The following SORT1 variants were observed in gnomAD, a reference collection of about 807,000 sequenced individuals.
The protein encoded by SORT1 is sortilin.
Under a neutral mutation model 101.7 loss-of-function variants are expected in SORT1, and 39 were observed. The observed-to-expected ratio is 0.38, with a 90% CI of 0.30 to 0.50. SORT1 has a LOEUF of 0.50. Among genes scored for constraint, SORT1 ranks in the 20% least tolerant of loss-of-function variants. SORT1 has a pLI of 0.90. For synonymous variants in SORT1, 396 were observed against 393.7 expected (o/e 1.01, Z -0.07); for missense variants, 878 against 1,040.4 (o/e 0.84, Z 2.15).
chr1:109,393,554 T>C (rs1247615122), intron 1 of SORT1, among the ~76,000 whole-genome samples: 3 of 152,210 alleles, frequency 2.0e-5, no homozygotes, highest in Non-Finnish European at 4.4e-5. Flanking sequence ...TAAAGTCTTC[T>C]AGGCCTGCTC....
chr1:109,317,788 A>C, intron 16 of SORT1, 65 bp downstream of exon 16: 1 of 1,074,832 alleles, frequency 9.3e-7, no homozygotes, highest in Admixed American at 1.8e-5. Flanking sequence ...GTGTGGAGAG[A>C]AGCAGCTTTC....
At chr1:109,334,057 A>T (rs187689197) in intron 11 of SORT1, among the ~76,000 whole-genome samples, 3 of 152,270 alleles carry the variant, frequency 2.0e-5, no homozygotes, top group African/African-American at 7.2e-5. Context: ...GAGGCAGGAG[A>T]ATCACCTGAA....
chr1:109,330,021 A>G (rs543629535), intron 11 of SORT1, among the ~76,000 whole-genome samples: 1 of 151,862 alleles, frequency 6.6e-6, no homozygotes, highest in South Asian at 2.1e-4. Context: ...TTTTTTTTTG[A>G]GACGGAGTCT....
intron 13 of SORT1, 95 bp downstream of exon 13, chr1:109,326,897 G>T: frequency 1.0e-6 from 1 of 957,362 alleles, no homozygotes; most frequent in South Asian, 2.6e-5. Flanking sequence ...GCAAAAATTT[G>T]AATTATAGTC....
chr1:109,310,963 A>C lies in SORT1; in HGVS notation c.*3080T>G, dbSNP rs931472816. ...ATGGAGAGGCCCAGAGGCAAGCATCAGAGCAAGAGAGAGGAGGTGGGAAGT... is the reference window on the plus strand; with the variant it reads ...ATGGAGAGGCCCAGAGGCAAGCATCCGAGCAAGAGAGAGGAGGTGGGAAGT... On this transcript the variant is annotated 3_prime_UTR_variant, in exon 20 of 20. Coordinates refer to ENST00000256637, the MANE Select transcript of SORT1 (RefSeq NM_002959.7). The C allele has an allele frequency of 6.6e-6, 1 of 152,232 alleles. No homozygotes were observed. Among genetic ancestry groups the C allele is most frequent in the Non-Finnish European group, 1.5e-5 (1 of 68,070 alleles). The allele number at this position is 152,232 out of a possible 1,614,324, so 9.4% of individuals were successfully genotyped here.
Position 109,312,509 on chromosome 1 carries a change from C to T in SORT1, c.*1534G>A, listed in dbSNP as rs1241584958. ...TCTGACTAAAGTTAATTTGGCACTTCAAATAAAAAAAAAAAAAAACACACA... is the reference window on the plus strand; with the variant it reads ...TCTGACTAAAGTTAATTTGGCACTTTAAATAAAAAAAAAAAAAAACACACA... On this transcript the variant is annotated 3_prime_UTR_variant, in exon 20 of 20. Transcript: ENST00000256637. 2.7e-5 allele frequency: 1 copy of T among 37,728 alleles called. No homozygotes were observed. The highest frequency in any genetic ancestry group is 7.1e-5 in the Non-Finnish European group (1 of 14,044). 2.3% of individuals were successfully genotyped at this position (37,728 alleles called of 1,614,324 possible).
In SORT1 at chr1:109,397,671, A is replaced by C. The variant is rs1287273763; in HGVS notation, c.222T>G (p.Arg74=). 8.3e-7 allele frequency: 1 copy of C among 1,205,282 alleles called. No homozygotes were observed. Among genetic ancestry groups the C allele is most frequent in the Non-Finnish European group, 1.0e-6 (1 of 969,274 alleles). The allele number at this position is 1,205,282 out of a possible 1,614,324, so 74.7% of individuals were successfully genotyped here. The change falls in exon 1 of 20, where the codon CGT becomes CGG. Residue 74 remains arginine (R), a synonymous_variant. Transcript: ENST00000256637. ...AAGGAFPRGG[R]WRRSAPGEDE... Reference sequence around the variant, plus strand: ...CCTCGCCCGGCGCGCTGCGACGCCAACGGCCGCCGCGGGGAAACGCGCCCC... The same window carrying C: ...CCTCGCCCGGCGCGCTGCGACGCCACCGGCCGCCGCGGGGAAACGCGCCCC...
intron 1 of SORT1, chr1:109,392,976 T>C (rs1458831044): frequency 1.5e-5 from 15 of 985,234 alleles, no homozygotes; most frequent in East Asian, 2.3e-4. Context: ...AGAGGCCAAG[T>C]ATTGGAAGAA....
intron 1 of SORT1, chr1:109,393,339 C>T (rs1653021923): frequency 1.0e-6 from 1 of 983,236 alleles, no homozygotes; most frequent in Non-Finnish European, 1.2e-6. Flanking sequence ...GAGTTCCTGG[C>T]TTTATTCATC....
rs1426532392 is a variant in SORT1, at chr1:109,387,143, T to C, written c.306+10444A>G. On this transcript the variant is annotated intron_variant, in intron 1 of 19. Coordinates refer to ENST00000256637, the MANE Select transcript of SORT1 (RefSeq NM_002959.7). ...CCATCTCTACTAAAAATACAAAAAT[T>C]AGCCAGGTGTGGTGGTGCACATCTG... Among the ~76,000 whole-genome samples, 5 of 151,190 alleles carry C rather than the reference T, an allele frequency of 3.3e-5. No individual in the cohort carries two copies. In the East Asian group the frequency reaches 7.9e-4, roughly 24 times the overall value.
intron 5 of SORT1, among the ~76,000 whole-genome samples, chr1:109,353,124 G>A (rs542668995): frequency 9.9e-5 from 15 of 151,972 alleles, no homozygotes; most frequent in African/African-American, 3.6e-4. Flanking sequence ...TCAGGAGTTC[G>A]AGACCAGCCT....
At chr1:109,317,786 A>G (rs1481765304) in intron 16 of SORT1, 67 bp downstream of exon 16, 21 of 1,058,368 alleles carry the variant, frequency 2.0e-5, no homozygotes, top group Non-Finnish European at 2.9e-5. Context: ...CAGTGTGGAG[A>G]GAAGCAGCTT....
Position 109,342,034 on chromosome 1 carries a change from A to G in SORT1, c.1088T>C (p.Met363Thr), listed in dbSNP as rs1649262282. Residue 363 changes from methionine (M) to threonine (T), a missense_variant, in exon 9 of 20, where the codon ATG (methionine) becomes ACG (threonine). Met to Thr is a moderately conservative substitution (Grantham distance 81). This residue lies in a region of SORT1 where 684 missense variants were observed against 894.5 expected (regional missense o/e 0.76). Coordinates refer to ENST00000256637, the MANE Select transcript of SORT1 (RefSeq NM_002959.7). ...ILAANDDMVFMHVDEPGDTGF... is the reference protein window; with the variant it reads ...ILAANDDMVFTHVDEPGDTGF... ...CTTACCTCCAGGTTCATCTACATGC[A>G]TGAATACCATGTCATCATTTGCTGC... 1 of 1,613,826 alleles carries G rather than the reference A, an allele frequency of 6.2e-7. No homozygotes were observed. Among genetic ancestry groups the G allele is most frequent in the Non-Finnish European group, 8.5e-7 (1 of 1,179,964 alleles).
intron 1 of SORT1, among the ~76,000 whole-genome samples, chr1:109,374,238 G>C (rs544907165): frequency 6.6e-6 from 1 of 152,148 alleles, no homozygotes; most frequent in Non-Finnish European, 1.5e-5. Context: ...AGAAATTAGA[G>C]AATGGATTGA....
At chr1:109,360,748 C>T (rs1650667312) in intron 3 of SORT1, among the ~76,000 whole-genome samples, 1 of 152,218 alleles carries the variant, frequency 6.6e-6, no homozygotes, top group Admixed American at 6.5e-5. Context: ...TGTGTTCTTG[C>T]TCTGCAGCCT....
intron 15 of SORT1, among the ~76,000 whole-genome samples, chr1:109,322,252 A>G (rs1647683733): frequency 6.6e-6 from 1 of 151,770 alleles, no homozygotes. Flanking sequence ...GCTGTTTTCT[A>G]AAGTCCAATT....
intron 11 of SORT1, 91 bp from the exon 12 acceptor site, chr1:109,327,692 A>C: frequency 7.8e-6 from 6 of 771,680 alleles, no homozygotes; most frequent in Non-Finnish European, 1.0e-5. Context: ...TAAAGCTTTA[A>C]GTTAACCCAG....
At chr1:109,346,029 C>T (rs1330294638) in intron 7 of SORT1, 148 bp from the exon 8 acceptor site, 12 of 693,616 alleles carry the variant, frequency 1.7e-5, no homozygotes, top group Middle Eastern at 7.3e-4. Context: ...TGTGATACAG[C>T]GGCCAGGCGC....
chr1:109,324,820 A>C, intron 14 of SORT1, 79 bp downstream of exon 14: 1 of 970,578 alleles, frequency 1.0e-6, no homozygotes, highest in Non-Finnish European at 1.6e-6. Flanking sequence ...ATTCCAGCTA[A>C]AAGAAATTAA....
Sources: allele counts gnomAD v4.1 joint callset (sites outside exome capture counted in the v4.1 genomes callset), GRCh38; gene constraint gnomAD v4.1.1; regional missense constraint gnomAD v4.1.1; transcripts MANE v1.5; gene names NCBI Gene and HGNC (gene_info 2026-07-23, HGNC 2026-07-21).